CAMK2D: variants seen among roughly 807,000 people sequenced by gnomAD.
The protein encoded by CAMK2D is calcium/calmodulin dependent protein kinase II delta.
In CAMK2D, 37 loss-of-function variants were observed where a neutral mutation model predicts 84.0. The ratio of observed to expected loss-of-function variants is 0.44; its 90% CI spans 0.34 to 0.58. The LOEUF (loss-of-function observed/expected upper bound fraction) is 0.58, where lower values mean the gene tolerates loss of function less well. Among genes scored for constraint, CAMK2D ranks in the 20% least tolerant of loss-of-function variants. The pLI is 0.02. For synonymous variants in CAMK2D, 202 were observed against 212.5 expected, an observed-to-expected ratio of 0.95 and a Z score of 0.43; for missense variants, 448 against 652.5, an observed-to-expected ratio of 0.69 and a Z score of 3.41.
intron 2 of CAMK2D, among the ~76,000 whole-genome samples, chr4:113,705,058 CCGGCCA>C (rs2099440746): frequency 6.6e-6 from 1 of 151,492 alleles, no homozygotes; most frequent in Non-Finnish European, 1.5e-5. Flanking sequence ...GTGGTAGATT[CCGGCCA>C]GGCACGGTGG....
At chr4:113,673,539 G>A (rs983520319) in intron 2 of CAMK2D, among the ~76,000 whole-genome samples, 1 of 152,228 alleles carries the variant, frequency 6.6e-6, no homozygotes, top group Non-Finnish European at 1.5e-5. Flanking sequence ...GACTATCAGA[G>A]GAACTATACC....
At chr4:113,668,450 T>A (rs979109836) in intron 2 of CAMK2D, among the ~76,000 whole-genome samples, 7 of 152,210 alleles carry the variant, frequency 4.6e-5, no homozygotes, top group African/African-American at 1.7e-4. Flanking sequence ...GCACTGTATC[T>A]GGAACAAAAG....
At chr4:113,630,411 G>A (rs1472378747) in intron 3 of CAMK2D, among the ~76,000 whole-genome samples, 1 of 152,074 alleles carries the variant, frequency 6.6e-6, no homozygotes, top group Non-Finnish European at 1.5e-5. Flanking sequence ...GGGTTCTTAG[G>A]ATTGTTGACT....
At chr4:113,557,003 T>A (rs1051157963) in intron 4 of CAMK2D, among the ~76,000 whole-genome samples, 1 of 152,200 alleles carries the variant, frequency 6.6e-6, no homozygotes, top group African/African-American at 2.4e-5. Context: ...ACCTGTTATT[T>A]GAGCTAGTAC....
chr4:113,612,826 T>C (rs2099005991), intron 3 of CAMK2D, among the ~76,000 whole-genome samples: 1 of 152,190 alleles, frequency 6.6e-6, no homozygotes, highest in African/African-American at 2.4e-5. Context: ...GGGATAAAAG[T>C]GCTTCTGAGG....
At chr4:113,669,933 T>G (rs1286947161) in intron 2 of CAMK2D, among the ~76,000 whole-genome samples, 5 of 152,182 alleles carry the variant, frequency 3.3e-5, no homozygotes, top group Non-Finnish European at 5.9e-5. Context: ...TTAGGACACA[T>G]GGTATCAGAC....
intron 4 of CAMK2D, among the ~76,000 whole-genome samples, chr4:113,568,926 A>AT (rs1190907877): frequency 6.6e-6 from 1 of 151,920 alleles, no homozygotes; most frequent in Non-Finnish European, 1.5e-5. Flanking sequence ...CCTTTTACTC[A>AT]TTTTTTAATT....
At chr4:113,682,978 A>G (rs2099350023) in intron 2 of CAMK2D, among the ~76,000 whole-genome samples, 1 of 152,214 alleles carries the variant, frequency 6.6e-6, no homozygotes, top group Non-Finnish European at 1.5e-5. Flanking sequence ...TAGCTACCCT[A>G]AATACATTTG....
chr4:113,581,672 T>C (rs999752756), intron 4 of CAMK2D, among the ~76,000 whole-genome samples: 3 of 152,148 alleles, frequency 2.0e-5, no homozygotes, highest in African/African-American at 7.2e-5. Flanking sequence ...TTCCGTAAGA[T>C]TATGTTCTTC....
intron 2 of CAMK2D, among the ~76,000 whole-genome samples, chr4:113,747,305 C>CTGT (rs2099606613): frequency 8.7e-6 from 1 of 114,500 alleles, no homozygotes; most frequent in African/African-American, 2.8e-5. Flanking sequence ...GAATTTTGAA[C>CTGT]TTTTTTTTTT....
intron 2 of CAMK2D, among the ~76,000 whole-genome samples, chr4:113,717,732 C>T (rs991807323): frequency 6.6e-6 from 1 of 152,082 alleles, no homozygotes; most frequent in Non-Finnish European, 1.5e-5. Context: ...GTATGCTTAA[C>T]TATTTTTATT....
In CAMK2D at chr4:113,498,093, A is replaced by G. The variant is rs567344944; in HGVS notation, c.1135+2370T>C. ...GGATGTTAGTTATAGAATGTTAGAT[A>G]TAGGTAAATTTTGGTTTCAACAGAG... On this transcript the variant is annotated intron_variant, in intron 16 of 20. Coordinates refer to ENST00000511664, the MANE Select transcript of CAMK2D (RefSeq NM_001321571.2). Among the ~76,000 whole-genome samples the G allele has an allele frequency of 3.3e-5, 5 of 152,318 alleles. No individual in the cohort carries two copies. The South Asian group carries it at 6.2e-4, about 19-fold the overall frequency.
chr4:113,511,792 C>T (rs1439512633), intron 12 of CAMK2D, among the ~76,000 whole-genome samples: 1 of 152,080 alleles, frequency 6.6e-6, no homozygotes, highest in Admixed American at 6.6e-5. Context: ...CAACACAGTC[C>T]CTCAATTCGT....
rs555029154 is a variant in CAMK2D at position 113,540,279 on chromosome 4, A to ACC, written c.415-2838_415-2837dup. Among the ~76,000 whole-genome samples, 24 of 152,334 alleles carry ACC rather than the reference A, an allele frequency of 1.6e-4. No individual in the cohort carries two copies. In the East Asian group the frequency reaches 4.6e-3, roughly 29 times the overall value. On this transcript the variant is annotated intron_variant, in intron 6 of 20. Coordinates refer to ENST00000511664, the MANE Select transcript of CAMK2D (RefSeq NM_001321571.2). ...GGAAGATAATTTGCAAATATAGTTT[A>ACC]CCCAAGCTGAAAGGGTAGTATTTCT...
At chr4:113,721,006 C>T (rs1385974561) in intron 2 of CAMK2D, among the ~76,000 whole-genome samples, 1 of 152,068 alleles carries the variant, frequency 6.6e-6, no homozygotes, top group African/African-American at 2.4e-5. Context: ...GATAAACAGG[C>T]TGAAATACAC....
At chr4:113,705,055 AT>A (rs2099440655) in intron 2 of CAMK2D, among the ~76,000 whole-genome samples, 1 of 151,560 alleles carries the variant, frequency 6.6e-6, no homozygotes, top group Non-Finnish European at 1.5e-5. Context: ...AAAGTGGTAG[AT>A]TCCGGCCAGG....
chr4:113,629,276 C>G (rs1415466451), intron 3 of CAMK2D, among the ~76,000 whole-genome samples: 1 of 151,992 alleles, frequency 6.6e-6, no homozygotes, highest in Non-Finnish European at 1.5e-5. Context: ...CTCCAAGAAG[C>G]TAAGGTAATA....
chr4:113,600,060 C>A (rs1001376387), intron 4 of CAMK2D, among the ~76,000 whole-genome samples: 11 of 152,126 alleles, frequency 7.2e-5, no homozygotes, highest in African/African-American at 2.7e-4. Flanking sequence ...CTGTATGATT[C>A]TAACTATATG....
intron 4 of CAMK2D, among the ~76,000 whole-genome samples, chr4:113,605,874 CAA>C (rs1399505171): frequency 2.0e-5 from 3 of 151,920 alleles, no homozygotes; most frequent in Non-Finnish European, 4.4e-5. Flanking sequence ...TAGTGAAATC[CAA>C]AGTCTTATAA....
Sources: gnomAD v4.1 joint callset for allele counts (sites outside exome capture counted in the v4.1 genomes callset) on GRCh38, gnomAD v4.1.1 for gene constraint, MANE v1.5 for transcripts, NCBI Gene and HGNC (gene_info 2026-07-23, HGNC 2026-07-21) for gene names.